The following RNF150 variants were observed in gnomAD, a reference collection of about 807,000 sequenced individuals.
RNF150 encodes the protein ring finger protein 150.
In RNF150, 24 loss-of-function variants were observed where a neutral mutation model predicts 39.3. The ratio of observed to expected loss-of-function variants is 0.61; its 90% confidence interval spans 0.44 to 0.86. RNF150 has a LOEUF of 0.86. Among genes scored for constraint, RNF150 ranks in the 40% least tolerant of loss-of-function variants. The pLI is 0.00. For missense variants in RNF150, 502 were observed against 587.8 expected, an observed-to-expected ratio of 0.85 and a Z score of 1.51; for synonymous variants, 255 against 227.3, an observed-to-expected ratio of 1.12 and a Z score of -1.10.
chr4:141,016,307 G>C (rs944663888), intron 1 of RNF150, among the ~76,000 whole-genome samples: 4 of 152,172 alleles, frequency 2.6e-5, no homozygotes, highest in African/African-American at 9.7e-5. Context: ...AAGAGGCATG[G>C]AAAGCACCTC....
chr4:141,003,608 C>CAT (rs1042208537), intron 1 of RNF150, among the ~76,000 whole-genome samples: 1 of 148,732 alleles, frequency 6.7e-6, no homozygotes, highest in East Asian at 2.0e-4. Flanking sequence ...CACACACACA[C>CAT]GTGTGCACAC....
intron 1 of RNF150, among the ~76,000 whole-genome samples, chr4:141,023,537 A>G (rs1263601294): frequency 6.9e-6 from 1 of 144,472 alleles, no homozygotes; most frequent in African/African-American, 2.5e-5. Context: ...TACAGGCGTG[A>G]GTCTCCGCAC....
At chr4:141,044,370 C>T (rs1367627641) in intron 1 of RNF150, among the ~76,000 whole-genome samples, 1 of 152,114 alleles carries the variant, frequency 6.6e-6, no homozygotes, top group Non-Finnish European at 1.5e-5. Flanking sequence ...GAGCACTGTT[C>T]AAATTCTCAA....
At chr4:140,873,863 A>G (rs1400094335) in intron 6 of RNF150, among the ~76,000 whole-genome samples, 1 of 151,984 alleles carries the variant, frequency 6.6e-6, no homozygotes, top group East Asian at 1.9e-4. Context: ...TTTTGTAGAG[A>G]CAGGGTTTCG....
intron 1 of RNF150, among the ~76,000 whole-genome samples, chr4:141,164,265 A>G (rs922877902): frequency 1.3e-5 from 2 of 152,052 alleles, no homozygotes; most frequent in Non-Finnish European, 2.9e-5. Flanking sequence ...AAAAAGAATG[A>G]AAAGGAACAA....
intron 1 of RNF150, among the ~76,000 whole-genome samples, chr4:141,063,529 C>T (rs1210634922): frequency 6.6e-6 from 1 of 152,066 alleles, no homozygotes; most frequent in Admixed American, 6.6e-5. Context: ...TTATATGGAC[C>T]TTTAAAAAAG....
At chr4:141,067,344 A>T (rs1049549653) in intron 1 of RNF150, among the ~76,000 whole-genome samples, 27 of 152,224 alleles carry the variant, frequency 1.8e-4, no homozygotes, top group African/African-American at 6.0e-4. Flanking sequence ...AGAAAGTGCA[A>T]ATCAGCAGGA....
chr4:141,074,366 G>A (rs994028497), intron 1 of RNF150, among the ~76,000 whole-genome samples: 2 of 151,314 alleles, frequency 1.3e-5, no homozygotes, highest in Non-Finnish European at 2.9e-5. Context: ...ATGGGAAAGA[G>A]TGATTCCAGA....
At chr4:140,906,058 AT>A (rs891391574) in intron 6 of RNF150, among the ~76,000 whole-genome samples, 7 of 152,066 alleles carry the variant, frequency 4.6e-5, no homozygotes, top group African/African-American at 1.7e-4. Context: ...CAGAAAAAAA[AT>A]TTTTTGGGGT....
chr4:140,868,824 A>G (rs7668267), intron 6 of RNF150, among the ~76,000 whole-genome samples: 56,687 of 152,108 alleles, frequency 0.37, 12,281 homozygotes, highest in Non-Finnish European at 0.49. Context: ...TTAAATCAAT[A>G]AGAAAAACAG....
chr4:141,157,320 T>C (rs962315026), intron 1 of RNF150, among the ~76,000 whole-genome samples: 1 of 152,192 alleles, frequency 6.6e-6, no homozygotes, highest in African/African-American at 2.4e-5. Context: ...CCGAAGAAGA[T>C]GTCAGATCCC....
chr4:140,933,308 AAAG>A (rs1400185897), intron 4 of RNF150, among the ~76,000 whole-genome samples: 1 of 152,234 alleles, frequency 6.6e-6, no homozygotes, highest in Non-Finnish European at 1.5e-5. Flanking sequence ...AGAAATTCAA[AAAG>A]AAGGGATTTA....
intron 1 of RNF150, among the ~76,000 whole-genome samples, chr4:141,165,666 A>G (rs1410109219): frequency 3.3e-5 from 5 of 152,182 alleles, no homozygotes; most frequent in African/African-American, 1.2e-4. Flanking sequence ...ACACAACTAC[A>G]TGGAAACTGA....
chr4:141,129,294 G>A (rs1217664105), intron 1 of RNF150, among the ~76,000 whole-genome samples: 1 of 152,206 alleles, frequency 6.6e-6, no homozygotes, highest in Non-Finnish European at 1.5e-5. Flanking sequence ...AAGGGTTTAA[G>A]TACTGACGCA....
intron 1 of RNF150, among the ~76,000 whole-genome samples, chr4:141,151,628 G>A (rs1320360541): frequency 6.6e-6 from 1 of 152,030 alleles, no homozygotes; most frequent in Non-Finnish European, 1.5e-5. Context: ...AGGAGAAAAT[G>A]TAAATATTAT....
chr4:141,073,732 GT>G (rs1371109367), intron 1 of RNF150, among the ~76,000 whole-genome samples: 15 of 152,128 alleles, frequency 9.9e-5, no homozygotes, highest in Non-Finnish European at 2.1e-4. Context: ...TGTAATTCCT[GT>G]TTTTATGTCT....
At chr4:141,084,182 T>C (rs1021761443) in intron 1 of RNF150, among the ~76,000 whole-genome samples, 1 of 152,230 alleles carries the variant, frequency 6.6e-6, no homozygotes. Flanking sequence ...GCTTAGCAGA[T>C]AACCGTTTCC....
At chr4:140,881,425 A>G (rs982772968) in intron 6 of RNF150, among the ~76,000 whole-genome samples, 2 of 152,004 alleles carry the variant, frequency 1.3e-5, no homozygotes, top group Non-Finnish European at 2.9e-5. Context: ...CAGCCTCCCA[A>G]TCTGCTGGGA....
chr4:140,916,786 C>T (rs1440520983), intron 5 of RNF150, among the ~76,000 whole-genome samples: 2 of 152,124 alleles, frequency 1.3e-5, no homozygotes, highest in African/African-American at 4.8e-5. Flanking sequence ...TAAGGGCAGC[C>T]AGAGAGAAAG....
Sources: gnomAD v4.1 joint callset for allele counts (sites outside exome capture counted in the v4.1 genomes callset) on GRCh38, gnomAD v4.1.1 for gene constraint, MANE v1.5 for transcripts, NCBI Gene and HGNC (gene_info 2026-07-23, HGNC 2026-07-21) for gene names.